The following PCID2 variants were observed in gnomAD, a reference collection of about 807,000 sequenced individuals.
PCID2 encodes PCI domain-containing protein 2.
A neutral mutation model predicts 61.3 loss-of-function variants in PCID2; 41 were observed. The ratio of observed to expected loss-of-function variants is 0.67; its 90% CI spans 0.52 to 0.87. The LOEUF (loss-of-function observed/expected upper bound fraction) is 0.87. Ranked by LOEUF, PCID2 falls within the 40% of genes least tolerant of loss-of-function variation. The pLI is 0.00. For synonymous variants in PCID2, 187 were observed against 177.8 expected (o/e 1.05, Z -0.41); for missense variants, 392 against 493.4 (o/e 0.79, Z 1.95).
At chr13:113,167,624 T>C in the PCID2 span, among the ~76,000 whole-genome samples, 1 of 152,242 alleles carries the variant, frequency 6.6e-6, no homozygotes, top group Non-Finnish European at 1.5e-5. Flanking sequence ...CTTATCTTTT[T>C]CCAATCTTCT....
intron 3 of PCID2, 55 bp downstream of exon 3, chr13:113,198,136 A>T: frequency 8.6e-7 from 1 of 1,167,462 alleles, no homozygotes; most frequent in Non-Finnish European, 1.2e-6. Flanking sequence ...TAAAATCCCC[A>T]GTTAATTCAG....
chr13:113,208,106 C>T, intron 1 of PCID2: 1 of 1,611,782 alleles, frequency 6.2e-7, no homozygotes. Flanking sequence ...GGGCGTTAAA[C>T]GACAGCGAGG....
At chr13:113,168,762 C>T in the PCID2 span, among the ~76,000 whole-genome samples, 1 of 151,970 alleles carries the variant, frequency 6.6e-6, no homozygotes. Context: ...CGGGTCTCGC[C>T]CTATTGCCTG....
chr13:113,204,435 G>A (rs1566987486), intron 1 of PCID2, among the ~76,000 whole-genome samples: 4 of 152,158 alleles, frequency 2.6e-5, no homozygotes. Flanking sequence ...CAGACACCGG[G>A]GCCCTCCAAG....
downstream of PCID2, among the ~76,000 whole-genome samples, chr13:113,175,642 T>C (rs993022971): frequency 2.6e-5 from 4 of 152,056 alleles, no homozygotes; most frequent in Non-Finnish European, 5.9e-5. Context: ...CCACAGGACA[T>C]AGGAGGCACT....
At position 113,181,215 on chromosome 13, in the gene PCID2, G is replaced by A; in HGVS notation, c.701C>T (p.Ser234Leu). Residue 234 changes from serine (S) to leucine (L), a missense_variant, in exon 10 of 14, where the codon TCA becomes TTA. Ser to Leu is a moderately radical substitution (Grantham distance 145, BLOSUM62 -2). Coordinates refer to ENST00000337344, the MANE Select transcript of PCID2 (RefSeq NM_001127202.4). ...ACGGTGACAATGCTCAAAGGCAAAT[G>A]ACAGGTACTCCTCAGCTGCAAAGAA... ...SDFKQAEEYLSFAFEHCHRSS... is the reference protein window; with the variant it reads ...SDFKQAEEYLLFAFEHCHRSS... The A allele has an allele frequency of 6.2e-7, 1 of 1,612,142 alleles. No homozygotes were observed. The highest frequency in any genetic ancestry group is 8.5e-7 in the Non-Finnish European group (1 of 1,178,388).
downstream of PCID2, among the ~76,000 whole-genome samples, chr13:113,175,555 C>G (rs1457171898): frequency 6.6e-6 from 1 of 152,190 alleles, no homozygotes; most frequent in African/African-American, 2.4e-5. Context: ...GAACGGGGCC[C>G]CACTGGACAC....
intron 7 of PCID2, chr13:113,187,430 T>G (rs142303428): frequency 6.6e-6 from 1 of 152,282 alleles, no homozygotes; most frequent in East Asian, 1.9e-4. Context: ...CTGTTTTTGT[T>G]CCCCTGGCGA....
chr13:113,170,686 A>G, the PCID2 span, among the ~76,000 whole-genome samples: 1 of 152,206 alleles, frequency 6.6e-6, no homozygotes, highest in East Asian at 1.9e-4. Flanking sequence ...CTCAGGAAGC[A>G]TATGTAAAAT....
Position 113,180,149 on chromosome 13 carries a change from A to G in PCID2, c.860+9T>C, listed in dbSNP as rs190368940. ...TAAAACCCCAAACAGGAAGGATGGC[A>G]TACTCTACCTCACAGCTCTGGTTAC... On this transcript the variant is annotated intron_variant, in intron 11 of 13. Transcript: ENST00000337344. 2.3e-5 allele frequency: 37 copies of G among 1,613,700 alleles called. No homozygotes were observed. In the African/African-American group the frequency reaches 4.4e-4, roughly 19 times the overall value.
intron 4 of PCID2, 71 bp downstream of exon 4, chr13:113,197,107 G>A (rs144449601): frequency 4.0e-5 from 65 of 1,614,040 alleles, no homozygotes; most frequent in African/African-American, 2.3e-4. Context: ...CAGTGTTTCC[G>A]GGTCTCAAGT....
intron 7 of PCID2, among the ~76,000 whole-genome samples, chr13:113,189,426 G>C (rs903959725): frequency 6.6e-6 from 1 of 150,694 alleles, no homozygotes; most frequent in African/African-American, 2.5e-5. Context: ...CCCAGCCTCA[G>C]GTATTCCTTT....
At chr13:113,183,680 T>C (rs958269487) in intron 9 of PCID2, 4 of 763,242 alleles carry the variant, frequency 5.2e-6, no homozygotes, top group Non-Finnish European at 6.4e-6. Flanking sequence ...TGAAGAAGAG[T>C]TTAAAGTCTG....
At chr13:113,184,532 A>C (rs1256693633) in intron 8 of PCID2, 45 bp from the exon 9 acceptor site, 8 of 1,190,424 alleles carry the variant, frequency 6.7e-6, no homozygotes, top group South Asian at 1.3e-5. Context: ...AAACAACAAA[A>C]ACAGGTGGCA....
In PCID2 at chr13:113,208,661, A is replaced by AC; in HGVS notation, c.-28dup. ...GGAGCGCCGCCGAACGGAGAGCGCC[A>AC]CCCCCTACGCCTCAAGCGGGCCAGC... On this transcript the variant is annotated 5_prime_UTR_variant, in exon 1 of 14. Transcript: ENST00000337344. 6.3e-7 allele frequency: 1 copy of AC among 1,599,546 alleles called. No homozygotes were observed.
intron 5 of PCID2, among the ~76,000 whole-genome samples, chr13:113,195,426 C>T (rs978899999): frequency 1.3e-5 from 2 of 152,216 alleles, no homozygotes; most frequent in African/African-American, 4.8e-5. Context: ...CAGCTTCCCA[C>T]CAGTATCCAA....
At chr13:113,194,971 T>C in intron 6 of PCID2, 100 bp downstream of exon 6, 1 of 835,882 alleles carries the variant, frequency 1.2e-6, no homozygotes, top group Non-Finnish European at 2.1e-6. Context: ...TCAACTCCAA[T>C]TTGCTCCTCA....
rs563739615 is a variant in PCID2, at chr13:113,208,359, G to A, written c.36+240C>T. 329 of 1,432,508 alleles carry A rather than the reference G, an allele frequency of 2.3e-4. No individual in the cohort carries two copies. The African/African-American group carries it at 4.5e-3, about 19-fold the overall frequency. The allele number at this position is 1,432,508 out of a possible 1,614,324, so 88.7% of individuals were successfully genotyped here. On this transcript the variant is annotated intron_variant, in intron 1 of 13. Transcript: ENST00000337344. ...CCGCCGCGTCTACTTACACCGCGACGACTCCGCGATCCACGGACACCGCCC... is the reference window on the plus strand; with the variant it reads ...CCGCCGCGTCTACTTACACCGCGACAACTCCGCGATCCACGGACACCGCCC...
chr13:113,180,945 G>C (rs370991025), intron 10 of PCID2, among the ~76,000 whole-genome samples, 185 bp downstream of exon 10: 2 of 152,204 alleles, frequency 1.3e-5, no homozygotes, highest in African/African-American at 4.8e-5. Flanking sequence ...ACCTGGAGGC[G>C]TAAGGCATGA....
Sources: allele counts gnomAD v4.1 joint callset (sites outside exome capture counted in the v4.1 genomes callset), GRCh38; gene constraint gnomAD v4.1.1; transcripts MANE v1.5; gene names NCBI Gene and HGNC (gene_info 2026-07-23, HGNC 2026-07-21).